The following ZNF91 variants were observed in gnomAD, a reference collection of about 807,000 sequenced individuals.
ZNF91 encodes the protein zinc finger protein 91.
In ZNF91, 7 loss-of-function variants were observed where a neutral mutation model predicts 12.6. The ratio of observed to expected loss-of-function variants is 0.55; its 90% CI spans 0.31 to 1.04. The LOEUF is 1.04. Ranked by LOEUF, ZNF91 falls within the 50% of genes least tolerant of loss-of-function variation. The pLI is 0.05. For missense variants in ZNF91, 1,217 were observed against 1,385.4 expected (o/e 0.88, Z 1.93); for synonymous variants, 453 against 462.6 (o/e 0.98, Z 0.27).
At chr19:23,337,612 A>T (rs1968040121), downstream of ZNF91, among the ~76,000 whole-genome samples, 1 of 152,100 alleles carries the variant, frequency 6.6e-6, no homozygotes, top group Non-Finnish European at 1.5e-5. Flanking sequence ...GACACTTTCA[A>T]AGGAACACAA....
At position 23,395,446 on chromosome 19, in the gene ZNF91, T is replaced by C. The variant is rs899930654; in HGVS notation, c.-92A>G. On this transcript the variant is annotated 5_prime_UTR_variant, in exon 1 of 4. Coordinates refer to ENST00000300619, the MANE Select transcript of ZNF91 (RefSeq NM_003430.4). ...GACACAGAGCAGTGAAGTCGAGACC[T>C]GGAAACTCCGGCGGCAGCGAGAGAC... 6 of 1,489,356 alleles carry C rather than the reference T, an allele frequency of 4.0e-6. No individual in the cohort carries two copies. Among genetic ancestry groups the C allele is most frequent in the Admixed American group, 2.1e-5 (1 of 48,756 alleles). 92.3% of individuals were successfully genotyped at this position (1,489,356 alleles called of 1,614,324 possible). A position where few individuals can be genotyped will look rare whatever the true frequency, so the allele number is the denominator to read the frequency against.
At chr19:23,330,751 T>C (rs1967914435) in intron 1 of ZNF91, among the ~76,000 whole-genome samples, 2 of 152,202 alleles carry the variant, frequency 1.3e-5, no homozygotes, top group Non-Finnish European at 2.9e-5. Flanking sequence ...AATAGCTTGG[T>C]GAAGGGATGC....
intron 1 of ZNF91, chr19:23,326,182 C>G (rs1599691257): frequency 1.3e-5 from 2 of 152,276 alleles, no homozygotes; most frequent in South Asian, 4.1e-4. Context: ...CCTTCTGTTC[C>G]TAATAACTTT....
chr19:23,389,577 C>G (rs561582092), intron 1 of ZNF91, among the ~76,000 whole-genome samples: 114 of 152,232 alleles, frequency 7.5e-4, no homozygotes, highest in African/African-American at 2.7e-3. Context: ...AGCTCCTTTC[C>G]TCTAAGTTTT....
chr19:23,329,082 T>C (rs1243162411), intron 1 of ZNF91: 1 of 152,252 alleles, frequency 6.6e-6, no homozygotes, highest in Non-Finnish European at 1.5e-5. Flanking sequence ...TTCTTGAAAA[T>C]AAATTACATT....
intron 1 of ZNF91, among the ~76,000 whole-genome samples, chr19:23,320,374 T>A (rs1336638599): frequency 6.6e-6 from 1 of 152,162 alleles, no homozygotes; most frequent in Non-Finnish European, 1.5e-5. Flanking sequence ...ATTAGTTCAT[T>A]TTCACACTGC....
At chr19:23,306,196 T>C (rs1967396012) in intron 3 of ZNF91, among the ~76,000 whole-genome samples, 2 of 152,246 alleles carry the variant, frequency 1.3e-5, no homozygotes, top group African/African-American at 4.8e-5. Context: ...AAGTCAATTG[T>C]TGAGACTACG....
chr19:23,384,513 C>G (rs963204600), intron 1 of ZNF91: 3 of 1,040,308 alleles, frequency 2.9e-6, no homozygotes, highest in Non-Finnish European at 3.7e-6. Flanking sequence ...GCAAAACAGA[C>G]ATTCTCAAAT....
chr19:23,395,376 C>T lies in ZNF91; in HGVS notation c.-22G>A. 6.2e-7 allele frequency: 1 copy of T among 1,613,714 alleles called. No individual in the cohort carries two copies. Among genetic ancestry groups the T allele is most frequent in the Non-Finnish European group, 8.5e-7 (1 of 1,179,776 alleles). On this transcript the variant is annotated 5_prime_UTR_variant, in exon 1 of 4. Coordinates refer to ENST00000300619, the MANE Select transcript of ZNF91 (RefSeq NM_003430.4). ...GCATCTTAGCTGTGGCTCTCCAATA[C>T]CTGCAGGTCACAGGGCCACACAGGC... is the stretch of plus-strand genomic sequence containing the variant.
intron 3 of ZNF91, among the ~76,000 whole-genome samples, chr19:23,365,172 A>G (rs1968952230): frequency 6.6e-6 from 1 of 152,096 alleles, no homozygotes; most frequent in Admixed American, 6.5e-5. Context: ...TTTTGATGTA[A>G]TAAAAGAAAA....
intron 3 of ZNF91, among the ~76,000 whole-genome samples, chr19:23,350,789 G>A (rs772560928): frequency 3.3e-5 from 5 of 152,022 alleles, no homozygotes; most frequent in Non-Finnish European, 7.4e-5. Flanking sequence ...GAGGCTGTCC[G>A]GTACCATGTA....
chr19:23,392,178 C>T (rs1229963470), intron 1 of ZNF91, among the ~76,000 whole-genome samples: 1 of 151,820 alleles, frequency 6.6e-6, no homozygotes, highest in Non-Finnish European at 1.5e-5. Context: ...GGTGGATCAC[C>T]TGAGGTCAGG....
upstream of ZNF91, among the ~76,000 whole-genome samples, chr19:23,315,259 A>G (rs1430029574): frequency 6.6e-6 from 1 of 152,206 alleles, no homozygotes; most frequent in East Asian, 1.9e-4. Context: ...TGGGTCCAAC[A>G]CCTAGGTGAT....
At chr19:23,376,571 T>G (rs189335622) in intron 1 of ZNF91, among the ~76,000 whole-genome samples, 1 of 152,176 alleles carries the variant, frequency 6.6e-6, no homozygotes, top group Admixed American at 6.5e-5. Context: ...GTATTTTTTG[T>G]AGAGACAGGG....
chr19:23,360,582 T>C lies in ZNF91; in HGVS notation c.2397A>G (p.Lys799=), dbSNP rs776358615. 1 of 1,613,950 alleles carries C rather than the reference T, an allele frequency of 6.2e-7. No individual in the cohort carries two copies. The highest frequency in any genetic ancestry group is 2.2e-5 in the East Asian group (1 of 44,830). ...TAAAAGCTTTGCCACATTCTTCACA[T>C]TTGTAGGGCTTCTCTCCAGTGTGTA... ...KRIHTGEKPY[K]CEECGKAFSR... Residue 799 remains lysine, a synonymous_variant, in exon 4 of 4, where the codon AAA becomes AAG. Transcript: ENST00000300619.
chr19:23,380,699 A>G (rs1392027195), intron 1 of ZNF91: 1 of 152,244 alleles, frequency 6.6e-6, no homozygotes, highest in East Asian at 1.9e-4. Flanking sequence ...TTCTCTCTAA[A>G]TATCCAAAGT....
intron 3 of ZNF91, among the ~76,000 whole-genome samples, chr19:23,365,732 G>T (rs1453075410): frequency 6.6e-6 from 1 of 152,130 alleles, no homozygotes; most frequent in Non-Finnish European, 1.5e-5. Flanking sequence ...CAGTGTTTGT[G>T]TCCCTGGGTA....
chr19:23,375,004 A>G (rs1345746331), intron 1 of ZNF91, among the ~76,000 whole-genome samples: 2 of 152,216 alleles, frequency 1.3e-5, no homozygotes, highest in African/African-American at 4.8e-5. Context: ...TCTAGATGAT[A>G]AAGTGTAAAA....
rs544195028 is a variant in ZNF91, at chr19:23,386,209, A to T, written c.30+9116T>A. On this transcript the variant is annotated intron_variant, in intron 1 of 3. Coordinates refer to ENST00000300619, the MANE Select transcript of ZNF91 (RefSeq NM_003430.4). ...TTTATGCTCATAAATAGAAAAAATC[A>T]ATATCCTAAAAGTGATCATACTGTC... Among the ~76,000 whole-genome samples the T allele has an allele frequency of 2.4e-4, 37 of 152,306 alleles. No individual in the cohort carries two copies. In the South Asian group the frequency reaches 7.4e-3, roughly 31 times the overall value.
Sources: allele counts gnomAD v4.1 joint callset (sites outside exome capture counted in the v4.1 genomes callset), GRCh38; gene constraint gnomAD v4.1.1; transcripts MANE v1.5; gene names NCBI Gene and HGNC (gene_info 2026-07-23, HGNC 2026-07-21).